The following SFI1 variants were observed in gnomAD, a reference collection of about 807,000 sequenced individuals.
SFI1 encodes the protein protein SFI1 homolog.
SFI1 carries 195 observed loss-of-function variants against 207.5 expected under a neutral mutation model. That is an observed-to-expected ratio of 0.94 (90% CI 0.84 to 1.06). The LOEUF (loss-of-function observed/expected upper bound fraction) is 1.06, where lower values mean the gene tolerates loss of function less well. SFI1 is among the 50% of genes least tolerant of loss of function. The probability of loss-of-function intolerance (pLI) is 0.00; values close to 1 mark genes in which losing one functional copy is unlikely to be tolerated. For missense variants in SFI1, 1,634 were observed against 1,588.0 expected (o/e 1.03, Z -0.49); for synonymous variants, 630 against 598.9 (o/e 1.05, Z -0.76).
Position 31,583,947 on chromosome 22 carries a change from C to T in SFI1, c.1321C>T (p.Leu441=), listed in dbSNP as rs1379188241. 1 of 1,614,134 alleles carries T rather than the reference C, an allele frequency of 6.2e-7. No individual in the cohort carries two copies. Residue 441 remains leucine (L), a synonymous_variant, in exon 13 of 33, where the codon CTG becomes TTG. Transcript: ENST00000400288. The part of the protein sequence containing the change: ...QKKERELLPL[L]HAAWDHYRIA... ...AAAGGAAAGAGAGCTGCTCCCCTTA[C>T]TGCATGCTGCCTGGGACCACTACAG...
chr22:31,498,704 G>A (rs961205886), intron 1 of SFI1, among the ~76,000 whole-genome samples: 1 of 151,914 alleles, frequency 6.6e-6, no homozygotes, highest in African/African-American at 2.4e-5. Context: ...AGGCCGCCAT[G>A]GATAACTGAG....
chr22:31,577,849 A>C (rs2063694355), intron 10 of SFI1: 1 of 152,540 alleles, frequency 6.6e-6, no homozygotes, highest in South Asian at 2.1e-4. Flanking sequence ...TTACCAGTCT[A>C]CGTAAGGGAC....
intron 8 of SFI1, among the ~76,000 whole-genome samples, chr22:31,563,589 G>T (rs2061952361): frequency 6.7e-6 from 1 of 148,562 alleles, no homozygotes; most frequent in Admixed American, 6.8e-5. Context: ...GTTTGTTGTT[G>T]TTTGTTTTTT....
rs756786674 is a variant in SFI1, at chr22:31,615,145, C to A, written c.3166C>A (p.Pro1056Thr). Residue 1056 changes from proline to threonine, a missense_variant, in exon 29 of 33, where the codon CCA becomes ACA. By Grantham distance (38) the Pro-to-Thr change is conservative (BLOSUM62 -1). Transcript: ENST00000400288. ...FLAEAPTALV[P>T]HSPLPGALSS... ...GGCAGAGGCCCCGACAGCACTGGTC[C>A]CACACAGCCCCCTGCCTGGGGCCCT... The A allele has an allele frequency of 1.2e-6, 2 of 1,607,164 alleles. No homozygotes were observed. The highest frequency in any genetic ancestry group is 3.4e-5 in the Admixed American group (2 of 58,782).
intron 4 of SFI1, 73 bp from the exon 5 acceptor site, chr22:31,546,788 A>G (rs2039876433): frequency 9.2e-7 from 1 of 1,081,248 alleles, no homozygotes; most frequent in South Asian, 1.6e-5. Context: ...TGAGACGGCA[A>G]GAATATGTGA....
chr22:31,609,580 CA>C (rs2069697813), intron 22 of SFI1, among the ~76,000 whole-genome samples: 1 of 152,236 alleles, frequency 6.6e-6, no homozygotes, highest in African/African-American at 2.4e-5. Flanking sequence ...TGCTCCAGGA[CA>C]AAACTGAATC....
chr22:31,519,187 T>G (rs899308533), intron 2 of SFI1, among the ~76,000 whole-genome samples: 2 of 152,110 alleles, frequency 1.3e-5, no homozygotes, highest in Admixed American at 1.3e-4. Context: ...ATGCATTTAA[T>G]GTATAGCATT....
In SFI1 at chr22:31,496,564, A is replaced by T. The variant is rs916791690; in HGVS notation, c.-104A>T. Reference sequence around the variant, plus strand: ...GCGGGCGTGGACCGCGCGGGAGTTAAGAAGCAGGTCCCGGATCGCCGTATA... The same window carrying T: ...GCGGGCGTGGACCGCGCGGGAGTTATGAAGCAGGTCCCGGATCGCCGTATA... On this transcript the variant is annotated 5_prime_UTR_variant, in exon 1 of 33. It adds an upstream start codon to the 5' untranslated region. Transcript: ENST00000400288. 6.6e-6 allele frequency: 1 copy of T among 152,228 alleles called. No homozygotes were observed. The highest frequency in any genetic ancestry group is 2.4e-5 in the African/African-American group (1 of 41,458). 9.4% of individuals were successfully genotyped at this position (152,228 alleles called of 1,614,324 possible).
chr22:31,533,316 T>G (rs2058695062), intron 4 of SFI1, among the ~76,000 whole-genome samples: 1 of 152,092 alleles, frequency 6.6e-6, no homozygotes. Context: ...TTACTTGAGG[T>G]CAGGAGTTTG....
At chr22:31,589,840 G>A (rs2065600076) in intron 15 of SFI1, among the ~76,000 whole-genome samples, 1 of 151,920 alleles carries the variant, frequency 6.6e-6, no homozygotes, top group South Asian at 2.1e-4. Flanking sequence ...AATGTGTAGT[G>A]TTTAATCTGA....
chr22:31,521,002 C>CAAA (rs57346699), intron 2 of SFI1, among the ~76,000 whole-genome samples: 17 of 47,350 alleles, frequency 3.6e-4, no homozygotes, highest in Non-Finnish European at 6.1e-4. Context: ...GACCCTGTCT[C>CAAA]AAAAAAAAAA....
rs1350592968 is a variant in SFI1 at position 31,531,881 on chromosome 22, G to A, written c.338+752G>A. ...GCACTCCAGCCTCGGCAACAAGAGC[G>A]AAAGTCCCTCTCAAAAAAAAAAAAA... On this transcript the variant is annotated intron_variant, in intron 4 of 32. Coordinates refer to ENST00000400288, the MANE Select transcript of SFI1 (RefSeq NM_001007467.3). Among the ~76,000 whole-genome samples, 3 of 142,764 alleles carry A rather than the reference G, an allele frequency of 2.1e-5. No individual in the cohort carries two copies. The East Asian group carries it at 6.1e-4, about 29-fold the overall frequency. 93.7% of individuals were successfully genotyped at this position (142,764 alleles called of 152,430 possible).
intron 28 of SFI1, 48 bp downstream of exon 28, chr22:31,614,908 G>A: frequency 6.2e-7 from 1 of 1,604,144 alleles, no homozygotes; most frequent in Non-Finnish European, 8.5e-7. Flanking sequence ...ATGGTCAGGG[G>A]TCCCCAAAGG....
chr22:31,598,280 C>T (rs984343246), intron 15 of SFI1, among the ~76,000 whole-genome samples: 9 of 150,550 alleles, frequency 6.0e-5, no homozygotes, highest in Non-Finnish European at 1.0e-4. Context: ...CCACCATGCC[C>T]GGCCGAGTTT....
chr22:31,553,171 A>G (rs928274719), intron 6 of SFI1, among the ~76,000 whole-genome samples: 8 of 152,142 alleles, frequency 5.3e-5, no homozygotes, highest in Non-Finnish European at 1.2e-4. Context: ...CGTTCTGACT[A>G]GTGTAAGATG....
intron 3 of SFI1, among the ~76,000 whole-genome samples, chr22:31,530,308 G>A (rs536667393): frequency 6.7e-6 from 1 of 149,246 alleles, no homozygotes; most frequent in East Asian, 2.0e-4. Context: ...GGCTAACATG[G>A]TGAAACCTGG....
chr22:31,511,706 T>G (rs1601910446), intron 2 of SFI1, among the ~76,000 whole-genome samples: 1 of 151,908 alleles, frequency 6.6e-6, no homozygotes. Context: ...CAGGCTGGAG[T>G]GCAATGGCGT....
upstream of SFI1, chr22:31,496,341 G>C (rs2052646823): frequency 1.3e-5 from 2 of 152,284 alleles, no homozygotes; most frequent in African/African-American, 4.8e-5. Flanking sequence ...GGGATGCCCA[G>C]AGGGTGCATG....
intron 2 of SFI1, among the ~76,000 whole-genome samples, chr22:31,516,687 G>C (rs527844121): frequency 6.6e-6 from 1 of 151,848 alleles, no homozygotes; most frequent in Non-Finnish European, 1.5e-5. Flanking sequence ...AGGAGTGGTG[G>C]TTCATGCCTG....
Sources: allele counts gnomAD v4.1 joint callset (sites outside exome capture counted in the v4.1 genomes callset), GRCh38; gene constraint gnomAD v4.1.1; transcripts MANE v1.5; gene names NCBI Gene and HGNC (gene_info 2026-07-23, HGNC 2026-07-21).